CSMD3: variants seen among roughly 807,000 people sequenced by gnomAD.
CSMD3 encodes CUB and Sushi multiple domains 3, also known as CUB and sushi domain-containing protein 3.
In CSMD3, 177 loss-of-function variants were observed where a neutral mutation model predicts 435.2. That is an observed-to-expected ratio of 0.41 (90% CI 0.36 to 0.46). CSMD3 has a LOEUF of 0.46. CSMD3 is among the 20% of genes least tolerant of loss of function. The pLI, the probability that CSMD3 is intolerant of heterozygous loss-of-function variation, is 0.34. For missense variants in CSMD3, 4,265 were observed against 4,504.6 expected (o/e 0.95, Z 1.52); for synonymous variants, 1,656 against 1,520.5 (o/e 1.09, Z -2.07).
In CSMD3 at chr8:113,398,415, T is replaced by G. The variant is rs942739812; in HGVS notation, c.178+38262A>C. ...CATCAGTGACACAGTTTAATTACTG[T>G]AACACTATAGTGTAATATCTGGAAA... On this transcript the variant is annotated intron_variant, in intron 1 of 70. Coordinates refer to ENST00000297405, the MANE Select transcript of CSMD3 (RefSeq NM_198123.2). 2.6e-5 allele frequency among the ~76,000 whole-genome samples: 4 copies of G among 152,294 alleles called. No individual in the cohort carries two copies. The East Asian group carries it at 5.8e-4, about 22-fold the overall frequency.
rs1831704106 is a variant in CSMD3, at chr8:112,405,214, C to CAAAAACAATATATATATATAT, written c.5809+1309_5809+1310insATATATATATATATTGTTTTT. 1.0e-4 allele frequency among the ~76,000 whole-genome samples: 2 copies of CAAAAACAATATATATATATAT among 19,070 alleles called. 1 individual carries two copies. The highest frequency in any genetic ancestry group is 1.6e-4 in the Non-Finnish European group (2 of 12,426). The allele number at this position is 19,070 out of a possible 152,430, so 12.5% of individuals were successfully genotyped here. ...AAAAAAAAAAAAAAAAAAAAACCCC[C>CAAAAACAATATATATATATAT]ATATATATATATATATATATATATA... On this transcript the variant is annotated intron_variant, in intron 35 of 70. Transcript: ENST00000297405.
chr8:112,919,628 T>C (rs746296811), intron 10 of CSMD3, among the ~76,000 whole-genome samples: 6 of 151,834 alleles, frequency 4.0e-5, no homozygotes, highest in Admixed American at 6.6e-5. Context: ...TTATGTGACA[T>C]TGAAGTAGGA....
intron 3 of CSMD3, among the ~76,000 whole-genome samples, chr8:113,222,768 G>C (rs16884442): frequency 0.11 from 17,100 of 150,962 alleles, 1,560 homozygotes; most frequent in African/African-American, 0.25. Flanking sequence ...TCAAGCATAA[G>C]AGTTGTGATT....
intron 27 of CSMD3, among the ~76,000 whole-genome samples, chr8:112,525,345 T>G (rs1372903080): frequency 1.3e-5 from 2 of 149,484 alleles, no homozygotes; most frequent in Admixed American, 6.7e-5. Context: ...AAAATTTTAT[T>G]TATATATGAT....
chr8:112,551,932 G>A (rs1378777295), intron 26 of CSMD3, among the ~76,000 whole-genome samples: 1 of 152,090 alleles, frequency 6.6e-6, no homozygotes, highest in Non-Finnish European at 1.5e-5. Context: ...GCATAGTAAG[G>A]CTGGGACTGA....
chr8:113,104,949 T>A (rs571946815), intron 4 of CSMD3, among the ~76,000 whole-genome samples: 138 of 152,152 alleles, frequency 9.1e-4, no homozygotes, highest in South Asian at 1.5e-3. Flanking sequence ...CAAAGAGACA[T>A]GTTGAGAAAA....
At chr8:113,365,989 A>G (rs796782626) in intron 1 of CSMD3, among the ~76,000 whole-genome samples, 28 of 152,160 alleles carry the variant, frequency 1.8e-4, no homozygotes, top group African/African-American at 6.5e-4. Context: ...ATTTAAAAAT[A>G]TTTAGCCAAG....
intron 45 of CSMD3, among the ~76,000 whole-genome samples, chr8:112,322,799 G>A (rs1264424641): frequency 1.3e-5 from 2 of 151,980 alleles, no homozygotes; most frequent in Non-Finnish European, 2.9e-5. Flanking sequence ...CCATTTATTT[G>A]CATGCTTGTT....
chr8:112,338,756 T>A (rs1824810751), intron 42 of CSMD3, among the ~76,000 whole-genome samples: 1 of 152,126 alleles, frequency 6.6e-6, no homozygotes, highest in Admixed American at 6.5e-5. Context: ...TTTTAATTGA[T>A]ATTCTACACA....
At chr8:112,320,379 C>T (rs986872138) in intron 45 of CSMD3, among the ~76,000 whole-genome samples, 1 of 152,136 alleles carries the variant, frequency 6.6e-6, no homozygotes, top group Non-Finnish European at 1.5e-5. Context: ...GCAATAATTG[C>T]AAACAAATGC....
At chr8:112,501,395 GA>G (rs753817533) in intron 30 of CSMD3, among the ~76,000 whole-genome samples, 3,308 of 102,026 alleles carry the variant, frequency 0.032, 84 homozygotes, top group African/African-American at 0.097. Context: ...CCATCTCAAG[GA>G]AAAAAAAAAA....
At chr8:112,818,463 ATTAAAC>A (rs1407956276) in intron 12 of CSMD3, among the ~76,000 whole-genome samples, 3 of 152,178 alleles carry the variant, frequency 2.0e-5, no homozygotes, top group African/African-American at 2.4e-5. Flanking sequence ...TAGCACATGA[ATTAAAC>A]TTAAAAAGCA....
At chr8:113,066,029 T>C (rs1205896165) in intron 5 of CSMD3, among the ~76,000 whole-genome samples, 1 of 150,784 alleles carries the variant, frequency 6.6e-6, no homozygotes, top group African/African-American at 2.4e-5. Context: ...TGGCAATGCA[T>C]GCTCTGCTCA....
At chr8:112,531,555 C>T (rs189128371) in intron 27 of CSMD3, among the ~76,000 whole-genome samples, 55 of 152,160 alleles carry the variant, frequency 3.6e-4, no homozygotes, top group Non-Finnish European at 4.4e-5. Context: ...GAAGGATCAT[C>T]CTGGCAACCC....
intron 18 of CSMD3, among the ~76,000 whole-genome samples, chr8:112,655,504 G>C (rs555692458): frequency 1.1e-3 from 162 of 152,002 alleles, no homozygotes; most frequent in Admixed American, 2.1e-3. Context: ...GCCCATTTCT[G>C]TGTTCATATC....
chr8:112,703,918 G>A (rs534318228), intron 13 of CSMD3, among the ~76,000 whole-genome samples: 3 of 152,194 alleles, frequency 2.0e-5, no homozygotes, highest in African/African-American at 7.2e-5. Context: ...ATAAATGTGT[G>A]AAGTGTTTTA....
At chr8:112,674,937 T>C (rs1428171998) in intron 16 of CSMD3, among the ~76,000 whole-genome samples, 1 of 152,084 alleles carries the variant, frequency 6.6e-6, no homozygotes, top group East Asian at 1.9e-4. Context: ...AAGACAGATA[T>C]ACGGATTAGA....
chr8:112,601,015 A>G (rs762936242), intron 22 of CSMD3, among the ~76,000 whole-genome samples: 15 of 152,086 alleles, frequency 9.9e-5, no homozygotes, highest in Non-Finnish European at 1.6e-4. Flanking sequence ...AACCCAATAA[A>G]TACTGCTAAT....
chr8:112,757,653 C>G (rs915291475), intron 13 of CSMD3, among the ~76,000 whole-genome samples: 1 of 152,050 alleles, frequency 6.6e-6, no homozygotes, highest in African/African-American at 2.4e-5. Flanking sequence ...TTAGTTTGTT[C>G]AGTATTTTTC....
Sources: gnomAD v4.1 joint callset for allele counts (sites outside exome capture counted in the v4.1 genomes callset) on GRCh38, gnomAD v4.1.1 for gene constraint, MANE v1.5 for transcripts, NCBI Gene and HGNC (gene_info 2026-07-23, HGNC 2026-07-21) for gene names.